Variants in CHRM5 observed in about 807,000 individuals in gnomAD.
CHRM5 encodes cholinergic receptor muscarinic 5, also known as muscarinic acetylcholine receptor M5.
CHRM5 carries 18 observed loss-of-function variants against 39.0 expected under a neutral mutation model. The observed-to-expected ratio is 0.46, with a 90% CI of 0.32 to 0.68. CHRM5 has a LOEUF of 0.68. Ranked by LOEUF, CHRM5 falls within the 30% of genes least tolerant of loss-of-function variation. CHRM5 has a pLI of 0.04. For synonymous variants in CHRM5, 241 were observed against 246.3 expected, an observed-to-expected ratio of 0.98 and a Z score of 0.20; for missense variants, 515 against 651.1, an observed-to-expected ratio of 0.79 and a Z score of 2.28.
intron 2 of CHRM5, among the ~76,000 whole-genome samples, chr15:34,053,319 A>AAATATAT (rs775436850): frequency 5.7e-4 from 24 of 42,070 alleles, no homozygotes; most frequent in African/African-American, 9.5e-4. Context: ...AAAAAAAAAA[A>AAATATAT]ATATATATAT....
chr15:34,051,938 T>C (rs1380781438), intron 2 of CHRM5, among the ~76,000 whole-genome samples: 1 of 151,848 alleles, frequency 6.6e-6, no homozygotes, highest in Non-Finnish European at 1.5e-5. Context: ...CTGGTACCAC[T>C]CCTACTGAAA....
chr15:34,005,835 TATC>T (rs1489359389), intron 1 of CHRM5, among the ~76,000 whole-genome samples: 4 of 152,180 alleles, frequency 2.6e-5, no homozygotes, highest in East Asian at 3.9e-4. Flanking sequence ...AGCCCACAAA[TATC>T]ATCATAAGCC....
chr15:33,993,389 G>A (rs1381811144), intron 1 of CHRM5, among the ~76,000 whole-genome samples: 1 of 152,018 alleles, frequency 6.6e-6, no homozygotes, highest in African/African-American at 2.4e-5. Flanking sequence ...TTGAACAACC[G>A]TCCCCTTTCC....
chr15:34,000,623 T>C (rs1185732641), intron 1 of CHRM5, among the ~76,000 whole-genome samples: 1 of 152,216 alleles, frequency 6.6e-6, no homozygotes, highest in Non-Finnish European at 1.5e-5. Flanking sequence ...TATGGTCAGC[T>C]TACCTAGAAA....
chr15:34,019,010 C>A (rs1237214057), intron 1 of CHRM5, among the ~76,000 whole-genome samples: 1 of 151,830 alleles, frequency 6.6e-6, no homozygotes, highest in Admixed American at 6.6e-5. Flanking sequence ...CATCTACAAT[C>A]TAACTAGACA....
At chr15:34,036,907 C>T (rs541388485) in intron 1 of CHRM5, among the ~76,000 whole-genome samples, 4 of 152,108 alleles carry the variant, frequency 2.6e-5, no homozygotes, top group East Asian at 1.9e-4. Flanking sequence ...GTCAGGAGTT[C>T]GAGACCAGCC....
intron 1 of CHRM5, among the ~76,000 whole-genome samples, chr15:33,974,858 C>A (rs8033418): frequency 1.0e-3 from 152 of 152,118 alleles, no homozygotes; most frequent in Non-Finnish European, 1.7e-3. Flanking sequence ...CTGTAATCCC[C>A]GCTACTTGGA....
chr15:34,050,036 T>C (rs948228636), intron 2 of CHRM5, among the ~76,000 whole-genome samples: 13 of 151,980 alleles, frequency 8.6e-5, no homozygotes, highest in African/African-American at 3.1e-4. Flanking sequence ...TACAGGCACC[T>C]GCCACCATGC....
chr15:34,019,320 T>C (rs1898104390), intron 1 of CHRM5, among the ~76,000 whole-genome samples: 1 of 152,336 alleles, frequency 6.6e-6, no homozygotes, highest in African/African-American at 2.4e-5. Flanking sequence ...AAGATATATT[T>C]TGGTACAGCT....
intron 1 of CHRM5, among the ~76,000 whole-genome samples, chr15:34,031,535 G>A (rs1175011721): frequency 6.6e-6 from 1 of 152,158 alleles, no homozygotes; most frequent in Non-Finnish European, 1.5e-5. Flanking sequence ...TGGTACTAAA[G>A]AAATATGGAT....
At chr15:33,987,203 T>C (rs1313058179) in intron 1 of CHRM5, among the ~76,000 whole-genome samples, 3 of 152,370 alleles carry the variant, frequency 2.0e-5, no homozygotes, top group East Asian at 3.9e-4. Context: ...ACTCCACATA[T>C]GACAGTGACT....
chr15:34,023,900 T>C (rs997211866), intron 1 of CHRM5, among the ~76,000 whole-genome samples: 1 of 152,196 alleles, frequency 6.6e-6, no homozygotes, highest in African/African-American at 2.4e-5. Flanking sequence ...TCTGGCTCTT[T>C]TTATTGATGG....
At chr15:34,020,565 C>G (rs1019788497) in intron 1 of CHRM5, among the ~76,000 whole-genome samples, 1 of 152,202 alleles carries the variant, frequency 6.6e-6, no homozygotes, top group Non-Finnish European at 1.5e-5. Flanking sequence ...CACACCACCT[C>G]ACAATTCTGA....
chr15:33,994,293 A>G (rs1208322367), intron 1 of CHRM5, among the ~76,000 whole-genome samples: 1 of 152,210 alleles, frequency 6.6e-6, no homozygotes, highest in East Asian at 1.9e-4. Context: ...TCCAGGTTGC[A>G]CGCTCCTTAT....
At position 34,063,314 on chromosome 15, in the gene CHRM5, TG is replaced by T; in HGVS notation, c.598del (p.Ala200LeufsTer10). ...EPTITFGTAIAAFYIPVSVMT... is the reference protein window; with the variant it reads ...EPTITFGTAIXAFYIPVSVMT... Reference sequence around the variant, plus strand: ...CCACCATCACTTTTGGCACTGCCATTGCTGCCTTCTACATCCCTGTTTCTGT... The same window carrying T: ...CCACCATCACTTTTGGCACTGCCATTCTGCCTTCTACATCCCTGTTTCTGT... On this transcript the variant is annotated frameshift_variant, in exon 3 of 3. Coordinates refer to ENST00000383263, the MANE Select transcript of CHRM5 (RefSeq NM_012125.4). LOFTEE classifies it high-confidence loss of function. The surrounding 1 kb of genome is among the most constrained non-coding windows in gnomAD (Gnocchi z 4.1). 1 of 1,614,194 alleles carries T rather than the reference TG, an allele frequency of 6.2e-7. No individual in the cohort carries two copies. Among genetic ancestry groups the T allele is most frequent in the Non-Finnish European group, 8.5e-7 (1 of 1,180,038 alleles).
At chr15:33,975,802 T>C (rs1895859090) in intron 1 of CHRM5, among the ~76,000 whole-genome samples, 1 of 152,114 alleles carries the variant, frequency 6.6e-6, no homozygotes, top group Non-Finnish European at 1.5e-5. Context: ...TGGTGGCACA[T>C]GCCTGTAGTC....
At chr15:34,030,075 G>A (rs1050117241) in intron 1 of CHRM5, among the ~76,000 whole-genome samples, 1 of 152,006 alleles carries the variant, frequency 6.6e-6, no homozygotes, top group African/African-American at 2.4e-5. Context: ...CCAACATGGT[G>A]CGACCCCATC....
intron 1 of CHRM5, among the ~76,000 whole-genome samples, chr15:33,969,474 G>T (rs1256569761): frequency 6.6e-6 from 1 of 151,490 alleles, no homozygotes; most frequent in Non-Finnish European, 1.5e-5. Flanking sequence ...GCCATTCACA[G>T]ATAATGTTTA....
chr15:34,011,032 A>G (rs1897614565), intron 1 of CHRM5, among the ~76,000 whole-genome samples: 1 of 152,144 alleles, frequency 6.6e-6, no homozygotes, highest in African/African-American at 2.4e-5. Context: ...TCGATATTTG[A>G]AAAGTGTGCT....
Sources: allele counts gnomAD v4.1 joint callset (sites outside exome capture counted in the v4.1 genomes callset), GRCh38; gene constraint gnomAD v4.1.1; non-coding constraint Gnocchi (gnomAD v3.1); transcripts MANE v1.5; gene names NCBI Gene and HGNC (gene_info 2026-07-23, HGNC 2026-07-21).